Variants in KLF12 observed in about 807,000 individuals in gnomAD.
KLF12 encodes KLF transcription factor 12.
In KLF12, 9 loss-of-function variants were observed where a neutral mutation model predicts 37.8. The ratio of observed to expected loss-of-function variants is 0.24; its 90% CI spans 0.14 to 0.42. KLF12 has a LOEUF of 0.42. KLF12 is among the 10% of genes least tolerant of loss of function. The pLI is 1.00. For missense variants in KLF12, 411 were observed against 516.0 expected, an observed-to-expected ratio of 0.80 and a Z score of 1.97; for synonymous variants, 208 against 202.1, an observed-to-expected ratio of 1.03 and a Z score of -0.25.
the KLF12 span, among the ~76,000 whole-genome samples, chr13:74,305,834 T>C: frequency 2.0e-5 from 3 of 152,140 alleles, no homozygotes; most frequent in South Asian, 6.2e-4. Flanking sequence ...TAAGATCCCA[T>C]CATTTTGTTT....
chr13:73,901,947 G>A (rs1888061330), intron 3 of KLF12, among the ~76,000 whole-genome samples: 1 of 152,006 alleles, frequency 6.6e-6, no homozygotes, highest in Admixed American at 6.6e-5. Flanking sequence ...GCATACAAAT[G>A]GCTTAAAACT....
chr13:73,732,339 C>T (rs143012336), intron 6 of KLF12, among the ~76,000 whole-genome samples: 3,005 of 152,096 alleles, frequency 0.02, 31 homozygotes, highest in South Asian at 0.073. Flanking sequence ...ATCCATCCAC[C>T]TCGGCCCCCC....
chr13:74,188,443 CG>C, the KLF12 span, among the ~76,000 whole-genome samples: 1 of 152,210 alleles, frequency 6.6e-6, no homozygotes, highest in Middle Eastern at 3.4e-3. Context: ...GAAAGTTCAA[CG>C]GTTCTAAGTC....
At chr13:74,131,395 A>G (rs766952954) in intron 1 of KLF12, among the ~76,000 whole-genome samples, 6 of 152,170 alleles carry the variant, frequency 3.9e-5, no homozygotes, top group Non-Finnish European at 5.9e-5. Flanking sequence ...GAGTGAGTAC[A>G]CTAGTGTTTG....
intron 6 of KLF12, among the ~76,000 whole-genome samples, chr13:73,726,536 C>T (rs556271063): frequency 1.2e-3 from 182 of 152,256 alleles, no homozygotes; most frequent in Non-Finnish European, 1.5e-3. Flanking sequence ...TAATGCATGG[C>T]CTTTTGTGTC....
At chr13:74,275,795 T>TTTCCTTCC in the KLF12 span, among the ~76,000 whole-genome samples, 3 of 85,652 alleles carry the variant, frequency 3.5e-5, no homozygotes, top group Non-Finnish European at 6.9e-5. Context: ...TCTTTCTTTC[T>TTTCCTTCC]TTCTTTCTTT....
chr13:74,251,837 G>C, the KLF12 span, among the ~76,000 whole-genome samples: 1 of 152,346 alleles, frequency 6.6e-6, no homozygotes, highest in Admixed American at 6.5e-5. Context: ...TTCTGGCACA[G>C]AGGATTCTGT....
Position 73,944,031 on chromosome 13 carries a change from C to G in KLF12, c.73G>C (p.Gly25Arg), listed in dbSNP as rs768158278. 2 of 1,612,734 alleles carry G rather than the reference C, an allele frequency of 1.2e-6. No homozygotes were observed. The highest frequency in any genetic ancestry group is 2.2e-5 in the South Asian group (2 of 91,046). The change falls in exon 3 of 8, where the codon GGG becomes CGG. Residue 25 changes from glycine (G) to arginine (R), a missense_variant. Physicochemically the swap from Gly to Arg is moderately radical, Grantham distance 125 (BLOSUM62 -2). This residue lies in a region of KLF12 where 351 missense variants were observed against 397.8 expected (regional missense o/e 0.88). Coordinates refer to ENST00000377669, the MANE Select transcript of KLF12 (RefSeq NM_007249.5). ...GTTTTGACTCTGACTGCCGGCATCC[C>G]ATCAAGCATTAACATTCTGTTCTCA...
At chr13:73,838,509 A>G (rs533429396) in intron 4 of KLF12, among the ~76,000 whole-genome samples, 143 of 152,352 alleles carry the variant, frequency 9.4e-4, no homozygotes, top group Middle Eastern at 6.8e-3. Flanking sequence ...CTACTCAGGT[A>G]TTTTGGGAAA....
At chr13:74,184,575 A>G in the KLF12 span, among the ~76,000 whole-genome samples, 1 of 152,340 alleles carries the variant, frequency 6.6e-6, no homozygotes, top group Non-Finnish European at 1.5e-5. Context: ...TTTGATGAGA[A>G]TTTTCTCCAG....
At chr13:73,899,680 A>G (rs943707878) in intron 3 of KLF12, among the ~76,000 whole-genome samples, 2 of 152,150 alleles carry the variant, frequency 1.3e-5, no homozygotes, top group African/African-American at 4.8e-5. Flanking sequence ...AGACAGAACC[A>G]AAAGAGAGAG....
intron 1 of KLF12, among the ~76,000 whole-genome samples, chr13:74,004,042 A>G (rs971802128): frequency 5.3e-5 from 8 of 152,152 alleles, no homozygotes; most frequent in Admixed American, 4.6e-4. Context: ...GTATCCCCCA[A>G]TAAGAATAGG....
intron 2 of KLF12, among the ~76,000 whole-genome samples, chr13:73,987,327 T>C (rs923331868): frequency 6.6e-6 from 1 of 152,150 alleles, no homozygotes; most frequent in Non-Finnish European, 1.5e-5. Flanking sequence ...CATAAAACTA[T>C]ATAGATATTA....
intron 3 of KLF12, among the ~76,000 whole-genome samples, chr13:73,876,415 G>T (rs368954403): frequency 4.9e-4 from 75 of 152,302 alleles, no homozygotes; most frequent in African/African-American, 1.7e-3. Flanking sequence ...CCTGTGATAA[G>T]ATCAGGTCCA....
intron 3 of KLF12, among the ~76,000 whole-genome samples, chr13:73,852,873 T>G (rs571516217): frequency 6.8e-6 from 1 of 146,962 alleles, no homozygotes; most frequent in South Asian, 2.2e-4. Flanking sequence ...ACATTTATGT[T>G]TTTTTTTTTT....
At chr13:73,742,969 G>A (rs1878106675) in intron 6 of KLF12, among the ~76,000 whole-genome samples, 1 of 151,076 alleles carries the variant, frequency 6.6e-6, no homozygotes, top group Admixed American at 6.6e-5. Context: ...GTTCTTTAAT[G>A]TCAACCTCTC....
chr13:73,982,597 G>A (rs1891715066), intron 2 of KLF12, among the ~76,000 whole-genome samples: 1 of 152,126 alleles, frequency 6.6e-6, no homozygotes, highest in South Asian at 2.1e-4. Context: ...AAATTGTTGG[G>A]TTATCACAAA....
At chr13:73,747,416 T>TA (rs1406705193) in intron 6 of KLF12, among the ~76,000 whole-genome samples, 1 of 152,198 alleles carries the variant, frequency 6.6e-6, no homozygotes, top group Non-Finnish European at 1.5e-5. Context: ...GGAAAAGGAC[T>TA]GAATGAGAAG....
At chr13:73,951,539 T>C (rs1890648091) in intron 2 of KLF12, among the ~76,000 whole-genome samples, 1 of 152,306 alleles carries the variant, frequency 6.6e-6, no homozygotes, top group Non-Finnish European at 1.5e-5. Flanking sequence ...AGCCTAGAAC[T>C]GTGCAAGCAA....
Sources: allele counts gnomAD v4.1 joint callset (sites outside exome capture counted in the v4.1 genomes callset), GRCh38; gene constraint gnomAD v4.1.1; regional missense constraint gnomAD v4.1.1; transcripts MANE v1.5; gene names NCBI Gene and HGNC (gene_info 2026-07-23, HGNC 2026-07-21).